Variants in SEPTIN10 observed in about 807,000 individuals in gnomAD.
SEPTIN10 encodes the protein septin-10.
Under a neutral mutation model 54.8 loss-of-function variants are expected in SEPTIN10, and 66 were observed. The observed-to-expected ratio is 1.21, with a 90% CI of 0.99 to 1.48. The LOEUF is 1.48. Ranked by LOEUF, SEPTIN10 falls within the 40% of genes most tolerant of loss-of-function variation. The pLI is 0.00. For synonymous variants in SEPTIN10, 161 were observed against 181.0 expected, an observed-to-expected ratio of 0.89 and a Z score of 0.89; for missense variants, 620 against 545.6, an observed-to-expected ratio of 1.14 and a Z score of -1.36.
chr2:109,546,194 T>A lies in SEPTIN10; in HGVS notation c.1205A>T (p.Glu402Val). 6.2e-7 allele frequency: 1 copy of A among 1,604,516 alleles called. No homozygotes were observed. Among genetic ancestry groups the A allele is most frequent in the Non-Finnish European group, 8.5e-7 (1 of 1,176,362 alleles). The change falls in exon 10 of 11, where the codon GAG becomes GTG. Residue 402 changes from glutamate to valine, a missense_variant. Coordinates refer to ENST00000397712, the MANE Select transcript of SEPTIN10 (RefSeq NM_144710.5). ...TCTCTTTTCTTCAAGCTTCATTCTC[T>A]CTTCTTGGTGAAGTCTCTTAAGGTG... ...FEHLKRLHQE[E>V]RMKLEEKRRL...
rs1685885390 is a variant in SEPTIN10 at position 109,562,375 on chromosome 2, C to A, written c.1028+1991G>T. On this transcript the variant is annotated intron_variant, in intron 8 of 10. Coordinates refer to ENST00000397712, the MANE Select transcript of SEPTIN10 (RefSeq NM_144710.5). ...TGGTCTCCCCACTTCCACCTGCCCCCCTCCCCCAACTCTCTTCTTCACATA... is the reference window on the plus strand; with the variant it reads ...TGGTCTCCCCACTTCCACCTGCCCCACTCCCCCAACTCTCTTCTTCACATA... Among the ~76,000 whole-genome samples the A allele has an allele frequency of 4.0e-5, 6 of 151,888 alleles. No individual in the cohort carries two copies. In the South Asian group the frequency reaches 1.3e-3, roughly 32 times the overall value.
rs1340811068 is a variant in SEPTIN10, at chr2:109,585,297, G to A, written c.242C>T (p.Thr81Ile). Residue 81 changes from threonine to isoleucine, a missense_variant, in exon 4 of 11, where the codon ACA becomes ATA. Thr to Ile is a moderately conservative substitution (Grantham distance 89, BLOSUM62 -1). Coordinates refer to ENST00000397712, the MANE Select transcript of SEPTIN10 (RefSeq NM_144710.5). ...CVGETGIGKS[T>I]LIDTLFNTNF... ...AGTATTAAACAATGTGTCAATCAGT[G>A]TTGATTTTCCAATTCCAGTTTCCCC... 1.9e-6 allele frequency: 3 copies of A among 1,603,720 alleles called. No individual in the cohort carries two copies. The highest frequency in any genetic ancestry group is 1.7e-6 in the Non-Finnish European group (2 of 1,176,214).
intron 6 of SEPTIN10, among the ~76,000 whole-genome samples, chr2:109,566,842 AG>A (rs1339598205): frequency 3.3e-5 from 5 of 152,180 alleles, no homozygotes; most frequent in Non-Finnish European, 5.9e-5. Flanking sequence ...GGATTAATAC[AG>A]GGGAAAAGTC....
intron 4 of SEPTIN10, among the ~76,000 whole-genome samples, chr2:109,576,967 T>C (rs567747412): frequency 3.3e-5 from 5 of 152,206 alleles, no homozygotes; most frequent in Admixed American, 3.3e-4. Context: ...GGACACACTA[T>C]TCAGAGTCAA....
chr2:109,562,495 T>G (rs1162351768), intron 8 of SEPTIN10, among the ~76,000 whole-genome samples: 1 of 152,012 alleles, frequency 6.6e-6, no homozygotes, highest in Non-Finnish European at 1.5e-5. Flanking sequence ...AGCATTTGGC[T>G]GAGCAGATAG....
intron 4 of SEPTIN10, among the ~76,000 whole-genome samples, chr2:109,583,322 A>G (rs928723276): frequency 2.6e-5 from 4 of 152,198 alleles, no homozygotes; most frequent in African/African-American, 9.6e-5. Flanking sequence ...AAACAAGGAA[A>G]AAACAACCCC....
At chr2:109,601,243 C>G (rs1439372829) in intron 1 of SEPTIN10, among the ~76,000 whole-genome samples, 1 of 152,206 alleles carries the variant, frequency 6.6e-6, no homozygotes, top group Non-Finnish European at 1.5e-5. Flanking sequence ...CAGCCCCATC[C>G]TTAAGCTACC....
chr2:109,555,037 G>A (rs1013387626), intron 8 of SEPTIN10, among the ~76,000 whole-genome samples: 1 of 152,036 alleles, frequency 6.6e-6, no homozygotes, highest in African/African-American at 2.4e-5. Flanking sequence ...CCTGATCTTT[G>A]TGATTTTCTG....
Position 109,553,137 on chromosome 2 carries a change from CAAACA to C in SEPTIN10, c.1106_1110del (p.Met369SerfsTer15). 3 of 1,613,968 alleles carry C rather than the reference CAAACA, an allele frequency of 1.9e-6. No individual in the cohort carries two copies. The highest frequency in any genetic ancestry group is 2.5e-6 in the Non-Finnish European group (3 of 1,180,044). On this transcript the variant is annotated frameshift_variant, in exon 9 of 11. Coordinates refer to ENST00000397712, the MANE Select transcript of SEPTIN10 (RefSeq NM_144710.5). LOFTEE classifies it high-confidence loss of function. ...GCTTCTTTCTCCTTTACTCGCTGCA[CAAACA>C]TCTGTTTCATTTCTTCTTCCTTCCT...
chr2:109,547,619 TTTTAA>T (rs1199039363), intron 9 of SEPTIN10, among the ~76,000 whole-genome samples: 2 of 152,148 alleles, frequency 1.3e-5, no homozygotes, highest in Non-Finnish European at 2.9e-5. Flanking sequence ...GGGGCAGGCC[TTTTAA>T]TTTATTTTGT....
At chr2:109,551,890 G>C (rs28654387) in intron 9 of SEPTIN10, among the ~76,000 whole-genome samples, 6,867 of 152,282 alleles carry the variant, frequency 0.045, 540 homozygotes, top group African/African-American at 0.15. Context: ...CAGAAGTTCA[G>C]TGATTTTTTT....
At chr2:109,556,240 T>C (rs1684344812) in intron 8 of SEPTIN10, among the ~76,000 whole-genome samples, 1 of 152,226 alleles carries the variant, frequency 6.6e-6, no homozygotes, top group Non-Finnish European at 1.5e-5. Context: ...CACTGAGCCC[T>C]TCCATTTGGG....
At chr2:109,578,223 G>T (rs576339697) in intron 4 of SEPTIN10, among the ~76,000 whole-genome samples, 14 of 152,120 alleles carry the variant, frequency 9.2e-5, no homozygotes, top group Non-Finnish European at 1.6e-4. Context: ...GGAATTACAC[G>T]ATCAAATAAA....
intron 4 of SEPTIN10, among the ~76,000 whole-genome samples, chr2:109,584,000 A>G (rs1476967781): frequency 6.6e-6 from 1 of 152,184 alleles, no homozygotes; most frequent in Non-Finnish European, 1.5e-5. Context: ...AGTGGGAAGG[A>G]AGATACCCGG....
chr2:109,576,815 C>A (rs981535620), intron 4 of SEPTIN10, among the ~76,000 whole-genome samples: 3 of 151,584 alleles, frequency 2.0e-5, no homozygotes, highest in Admixed American at 1.3e-4. Context: ...TGAATCAGAG[C>A]GATTAAGAGT....
chr2:109,544,821 C>T (rs1680770366), intron 10 of SEPTIN10: 1 of 744,598 alleles, frequency 1.3e-6, no homozygotes, highest in Non-Finnish European at 1.6e-6. Context: ...TACCAGACAA[C>T]TGCTCTAGGC....
chr2:109,604,358 A>G (rs1247970519), intron 1 of SEPTIN10, among the ~76,000 whole-genome samples: 4 of 79,284 alleles, frequency 5.0e-5, no homozygotes, highest in Non-Finnish European at 1.0e-4. Context: ...AGAAAGAAAA[A>G]GAAAGAAAGG....
intron 1 of SEPTIN10, among the ~76,000 whole-genome samples, chr2:109,609,176 A>G (rs1471935780): frequency 6.6e-6 from 1 of 152,238 alleles, no homozygotes; most frequent in African/African-American, 2.4e-5. Context: ...TCATTAGAAC[A>G]TAAGTGTAGA....
chr2:109,542,904 C>CAT lies in SEPTIN10; in HGVS notation c.*1403_*1404dup, dbSNP rs767089842. 9.2e-5 allele frequency: 14 copies of CAT among 152,538 alleles called. No homozygotes were observed. The highest frequency in any genetic ancestry group is 1.3e-4 in the Admixed American group (2 of 15,288). The allele number at this position is 152,538 out of a possible 1,614,324, so 9.4% of individuals were successfully genotyped here. On this transcript the variant is annotated 3_prime_UTR_variant, in exon 11 of 11. Transcript: ENST00000397712. ...GTCTGAAAATACTCATAAAATACCT[C>CAT]ATCTCCAAAATAATTCAAATACATA...
Sources: gnomAD v4.1 joint callset for allele counts (sites outside exome capture counted in the v4.1 genomes callset) on GRCh38, gnomAD v4.1.1 for gene constraint, MANE v1.5 for transcripts, NCBI Gene and HGNC (gene_info 2026-07-23, HGNC 2026-07-21) for gene names.